Variants in CTNNBIP1 observed in about 807,000 individuals in gnomAD.
The protein encoded by CTNNBIP1 is beta-catenin-interacting protein 1.
CTNNBIP1 carries 7 observed loss-of-function variants against 11.8 expected under a neutral mutation model. The observed-to-expected ratio is 0.60, with a 90% CI of 0.34 to 1.12. The LOEUF (loss-of-function observed/expected upper bound fraction) is 1.12, where lower values mean the gene tolerates loss of function less well. Ranked by LOEUF, CTNNBIP1 falls within the 50% of genes most tolerant of loss-of-function variation. CTNNBIP1 has a pLI of 0.03. For missense variants in CTNNBIP1, 101 were observed against 113.4 expected (o/e 0.89, Z 0.50); for synonymous variants, 58 against 43.9 (o/e 1.32, Z -1.26).
Position 9,850,730 on chromosome 1 carries a change from G to A in CTNNBIP1, c.234C>T (p.Asp78=). 1 of 1,613,882 alleles carries A rather than the reference G, an allele frequency of 6.2e-7. No homozygotes were observed. Among genetic ancestry groups the A allele is most frequent in the Non-Finnish European group, 8.5e-7 (1 of 1,179,862 alleles). Residue 78 remains aspartate, a synonymous_variant, in exon 6 of 6, where the codon GAC becomes GAT. Transcript: ENST00000377263. ...VMAFSRSETE[D]RRQ ...AAGGGCTTTGCAGCTACTGCCTCCGGTCTTCCGTCTCCGACCTGGAAAACG... is the reference window on the plus strand; with the variant it reads ...AAGGGCTTTGCAGCTACTGCCTCCGATCTTCCGTCTCCGACCTGGAAAACG...
intron 5 of CTNNBIP1, among the ~76,000 whole-genome samples, chr1:9,856,322 C>T (rs1348781829): frequency 6.6e-6 from 1 of 151,616 alleles, no homozygotes; most frequent in East Asian, 1.9e-4. Context: ...GAAATGGTTT[C>T]TTAGTTATGA....
intron 5 of CTNNBIP1, among the ~76,000 whole-genome samples, chr1:9,854,005 T>C (rs1168838326): frequency 6.6e-6 from 1 of 152,192 alleles, no homozygotes; most frequent in Non-Finnish European, 1.5e-5. Context: ...AATCAATGAC[T>C]GTAAAACACC....
rs948248593 is a variant in CTNNBIP1 at position 9,867,211 on chromosome 1, G to A, written c.187+3976C>T. 6.6e-6 allele frequency among the ~76,000 whole-genome samples: 1 copy of A among 152,186 alleles called. No homozygotes were observed. Among genetic ancestry groups the A allele is most frequent in the Admixed American group, 6.5e-5 (1 of 15,284 alleles). ...CGTGAAGGACAAGGGAGGGAAAGGA[G>A]GCTGTCATTGGTGGTCTCAGCCCAG... On this transcript the variant is annotated intron_variant, in intron 5 of 5. Transcript: ENST00000377263. The surrounding 1 kb of genome is among the most constrained non-coding windows in gnomAD (Gnocchi z 4.6).
intron 1 of CTNNBIP1, among the ~76,000 whole-genome samples, chr1:9,908,044 T>G (rs985713510): frequency 1.1e-4 from 16 of 152,252 alleles, no homozygotes; most frequent in African/African-American, 3.6e-4. Context: ...ATCTTTGTTT[T>G]GATCTACAGG....
chr1:9,908,353 G>A (rs1639659900), intron 1 of CTNNBIP1, among the ~76,000 whole-genome samples: 1 of 141,956 alleles, frequency 7.0e-6, no homozygotes, highest in South Asian at 2.2e-4. Context: ...CACTGAGTCC[G>A]CCCTGATCCA....
chr1:9,875,517 C>A (rs552750542), intron 3 of CTNNBIP1, among the ~76,000 whole-genome samples: 275 of 152,370 alleles, frequency 1.8e-3, no homozygotes, highest in Non-Finnish European at 1.2e-3. Flanking sequence ...CCCGGGGACA[C>A]CTCACACTGG....
At chr1:9,905,771 C>T (rs1326858283) in intron 1 of CTNNBIP1, among the ~76,000 whole-genome samples, 2 of 152,132 alleles carry the variant, frequency 1.3e-5, no homozygotes, top group African/African-American at 2.4e-5. Flanking sequence ...TATTTGTTTA[C>T]TATCTGTCTC....
intron 1 of CTNNBIP1, among the ~76,000 whole-genome samples, chr1:9,891,434 T>C (rs911385344): frequency 1.3e-5 from 2 of 152,174 alleles, no homozygotes; most frequent in African/African-American, 4.8e-5. Context: ...TGAACTGAGT[T>C]TGCTGCATCC....
chr1:9,864,926 G>A (rs1638712164), intron 5 of CTNNBIP1, among the ~76,000 whole-genome samples: 1 of 152,190 alleles, frequency 6.6e-6, no homozygotes, highest in Non-Finnish European at 1.5e-5. Context: ...ACACTGTCCT[G>A]CTTAAAAAAG....
chr1:9,882,399 G>A (rs1015150474), intron 2 of CTNNBIP1, among the ~76,000 whole-genome samples: 20 of 152,220 alleles, frequency 1.3e-4, no homozygotes, highest in African/African-American at 4.8e-4. Flanking sequence ...CTGAGACAAA[G>A]AACATGAAGG....
At chr1:9,906,222 C>T (rs898922641) in intron 1 of CTNNBIP1, among the ~76,000 whole-genome samples, 10 of 152,168 alleles carry the variant, frequency 6.6e-5, no homozygotes, top group Non-Finnish European at 8.8e-5. Context: ...AACCAAGATC[C>T]AAACCTGATG....
At chr1:9,865,476 C>T (rs572123040) in intron 5 of CTNNBIP1, among the ~76,000 whole-genome samples, 2 of 151,816 alleles carry the variant, frequency 1.3e-5, no homozygotes, top group African/African-American at 2.4e-5. Flanking sequence ...TGGTGGCGGG[C>T]GCCTGTAGTC....
At position 9,872,926 on chromosome 1, in the gene CTNNBIP1, C is replaced by A. The variant is rs931450941; in HGVS notation, c.-24-838G>T. ...GGATGAGTCAGAAATAACGCAGCAG[C>A]TGCTGGGGTGGAGCCTTATCAGCCC... On this transcript the variant is annotated intron_variant, in intron 3 of 5. Transcript: ENST00000377263. The surrounding 1 kb of genome is among the most constrained non-coding windows in gnomAD (Gnocchi z 4.0). 6.6e-6 allele frequency among the ~76,000 whole-genome samples: 1 copy of A among 152,152 alleles called. No individual in the cohort carries two copies. The highest frequency in any genetic ancestry group is 2.4e-5 in the African/African-American group (1 of 41,420).
intron 5 of CTNNBIP1, among the ~76,000 whole-genome samples, chr1:9,862,800 T>G (rs1365403121): frequency 6.6e-6 from 1 of 152,238 alleles, no homozygotes; most frequent in African/African-American, 2.4e-5. Flanking sequence ...CACGCCAGTC[T>G]GCTCTGCTGG....
intron 1 of CTNNBIP1, among the ~76,000 whole-genome samples, chr1:9,891,039 G>A (rs1639290927): frequency 2.0e-5 from 3 of 151,634 alleles, no homozygotes; most frequent in South Asian, 4.1e-4. Context: ...CAATCCCGCT[G>A]TCAAAAGCTA....
intron 5 of CTNNBIP1, among the ~76,000 whole-genome samples, chr1:9,863,499 G>A (rs1349861244): frequency 2.0e-5 from 3 of 152,288 alleles, no homozygotes; most frequent in Admixed American, 6.5e-5. Flanking sequence ...GTGTGGCACC[G>A]GGCCAGTGCA....
At chr1:9,891,062 G>A (rs147657307) in intron 1 of CTNNBIP1, among the ~76,000 whole-genome samples, 1 of 151,274 alleles carries the variant, frequency 6.6e-6, no homozygotes, top group Non-Finnish European at 1.5e-5. Context: ...CCAGCTCTTT[G>A]CAGGGTCACA....
At chr1:9,896,891 C>T (rs949568712) in intron 1 of CTNNBIP1, among the ~76,000 whole-genome samples, 4 of 151,612 alleles carry the variant, frequency 2.6e-5, no homozygotes, top group Non-Finnish European at 4.4e-5. Context: ...CAATGGAACC[C>T]GGGAGGCCAA....
intron 5 of CTNNBIP1, among the ~76,000 whole-genome samples, chr1:9,865,794 C>T (rs1570568025): frequency 6.6e-6 from 1 of 152,096 alleles, no homozygotes; most frequent in Non-Finnish European, 1.5e-5. Flanking sequence ...TCTCCCTTTC[C>T]CCAGTTTTTT....
Sources: allele counts gnomAD v4.1 joint callset (sites outside exome capture counted in the v4.1 genomes callset), GRCh38; gene constraint gnomAD v4.1.1; non-coding constraint Gnocchi (gnomAD v3.1); transcripts MANE v1.5; gene names NCBI Gene and HGNC (gene_info 2026-07-23, HGNC 2026-07-21).